Variants in PDE4D observed in about 807,000 individuals in gnomAD.
The protein encoded by PDE4D is phosphodiesterase 4D.
Under a neutral mutation model 87.4 loss-of-function variants are expected in PDE4D, and 24 were observed. That is an observed-to-expected ratio of 0.27 (90% CI 0.20 to 0.39). PDE4D has a LOEUF of 0.39. PDE4D is among the 10% of genes least tolerant of loss of function. The pLI is 1.00. For missense variants in PDE4D, 714 were observed against 1,041.0 expected (o/e 0.69, Z 4.32); for synonymous variants, 384 against 383.2 (o/e 1.00, Z -0.02).
intron 1 of PDE4D, among the ~76,000 whole-genome samples, chr5:60,189,958 T>C (rs1785075589): frequency 6.6e-6 from 1 of 152,228 alleles, no homozygotes. Flanking sequence ...TCAAAAGATA[T>C]ATTTTTCTAG....
chr5:60,460,609 G>A, intron 1 of PDE4D: 6 of 1,255,642 alleles, frequency 4.8e-6, no homozygotes, highest in Middle Eastern at 2.7e-4. Flanking sequence ...GCATTCAATT[G>A]CTTCTTGCTG....
intron 1 of PDE4D, among the ~76,000 whole-genome samples, chr5:59,330,266 C>T (rs575684779): frequency 2.0e-5 from 3 of 152,184 alleles, no homozygotes; most frequent in Admixed American, 2.0e-4. Flanking sequence ...CAAAGAGTAG[C>T]ATTTAAGCAA....
At chr5:59,768,602 G>C (rs763665629) in intron 1 of PDE4D, 14 of 1,552,408 alleles carry the variant, frequency 9.0e-6, no homozygotes, top group Non-Finnish European at 1.2e-5. Flanking sequence ...GCAGGTCTGA[G>C]CCTGCTGCTG....
At chr5:59,577,865 G>A (rs149198134) in intron 1 of PDE4D, among the ~76,000 whole-genome samples, 1,529 of 152,114 alleles carry the variant, frequency 0.01, 18 homozygotes, top group African/African-American at 0.035. Context: ...TATTTTATTT[G>A]TCATTTTCTC....
At chr5:59,230,078 T>C (rs1310591335) in intron 1 of PDE4D, among the ~76,000 whole-genome samples, 1 of 152,208 alleles carries the variant, frequency 6.6e-6, no homozygotes, top group Admixed American at 6.5e-5. Flanking sequence ...TGAGCCACCG[T>C]ACCCAGCTGC....
intron 6 of PDE4D, among the ~76,000 whole-genome samples, chr5:59,011,647 G>T (rs981306075): frequency 3.9e-5 from 6 of 152,100 alleles, no homozygotes; most frequent in Non-Finnish European, 8.8e-5. Context: ...AAGAAATATG[G>T]GACTATGTGA....
intron 1 of PDE4D, among the ~76,000 whole-genome samples, chr5:59,784,086 C>G (rs1350212826): frequency 6.6e-6 from 1 of 151,920 alleles, no homozygotes; most frequent in African/African-American, 2.4e-5. Context: ...TAAAACCAGC[C>G]AACTTGTCTG....
chr5:59,079,606 G>T (rs553518038), intron 5 of PDE4D, among the ~76,000 whole-genome samples: 33 of 151,844 alleles, frequency 2.2e-4, no homozygotes, highest in Admixed American at 1.4e-3. Context: ...CCAGAGAATT[G>T]CTTGAGGCCA....
At chr5:59,153,107 G>A (rs773046778) in intron 5 of PDE4D, among the ~76,000 whole-genome samples, 7 of 152,042 alleles carry the variant, frequency 4.6e-5, no homozygotes, top group East Asian at 3.9e-4. Flanking sequence ...CACCTCTCTC[G>A]ACATTCATCA....
intron 1 of PDE4D, among the ~76,000 whole-genome samples, chr5:59,257,045 A>G (rs1309156539): frequency 6.6e-6 from 1 of 152,084 alleles, no homozygotes; most frequent in Non-Finnish European, 1.5e-5. Context: ...ATAAAGTGAT[A>G]CATACATCTT....
At chr5:59,196,477 T>C (rs1276178516) in intron 2 of PDE4D, among the ~76,000 whole-genome samples, 1 of 152,242 alleles carries the variant, frequency 6.6e-6, no homozygotes, top group African/African-American at 2.4e-5. Context: ...CTTCTGGCTG[T>C]GTCATATAGG....
At chr5:59,808,422 T>G (rs912264694) in intron 1 of PDE4D, among the ~76,000 whole-genome samples, 2 of 152,212 alleles carry the variant, frequency 1.3e-5, no homozygotes, top group Non-Finnish European at 2.9e-5. Context: ...CATACAAGTG[T>G]TTAACCCAGA....
At chr5:59,215,048 A>G (rs544436226) in intron 2 of PDE4D, among the ~76,000 whole-genome samples, 49 of 152,332 alleles carry the variant, frequency 3.2e-4, no homozygotes, top group African/African-American at 1.1e-3. Context: ...GCCACGAATG[A>G]TAGTATAGGT....
intron 3 of PDE4D, among the ~76,000 whole-genome samples, chr5:59,969,766 G>A (rs1169010805): frequency 6.6e-6 from 1 of 152,220 alleles, no homozygotes; most frequent in East Asian, 1.9e-4. Flanking sequence ...AGTTCTCCTT[G>A]CTGCCACCAC....
intron 3 of PDE4D, among the ~76,000 whole-genome samples, chr5:59,961,736 A>G (rs1007319650): frequency 7.2e-5 from 11 of 152,154 alleles, no homozygotes; most frequent in African/African-American, 2.7e-4. Flanking sequence ...TATAGGTGTG[A>G]TATGGGTGTG....
intron 1 of PDE4D, among the ~76,000 whole-genome samples, chr5:59,319,160 ATGTGTGTGTG>A (rs59099367): frequency 7.9e-5 from 11 of 139,796 alleles, no homozygotes; most frequent in South Asian, 2.3e-4. Context: ...GTACATATAT[ATGTGTGTGTG>A]TGTGTGTGTG....
intron 1 of PDE4D, among the ~76,000 whole-genome samples, chr5:59,319,348 A>G (rs1427125536): frequency 6.6e-6 from 1 of 152,160 alleles, no homozygotes; most frequent in Non-Finnish European, 1.5e-5. Context: ...CTCTCCTGGT[A>G]TAATACTTTT....
intron 1 of PDE4D, among the ~76,000 whole-genome samples, chr5:60,392,730 A>G (rs1372630970): frequency 2.6e-5 from 4 of 152,180 alleles, no homozygotes; most frequent in Non-Finnish European, 4.4e-5. Flanking sequence ...GAAATTCCCA[A>G]TATCAAGGGG....
intron 1 of PDE4D, among the ~76,000 whole-genome samples, chr5:60,306,734 C>A (rs1754531432): frequency 6.6e-6 from 1 of 152,002 alleles, no homozygotes; most frequent in African/African-American, 2.4e-5. Context: ...ACGTGACAGA[C>A]TAATGCAGTG....
Sources: allele counts gnomAD v4.1 joint callset (sites outside exome capture counted in the v4.1 genomes callset), GRCh38; gene constraint gnomAD v4.1.1; transcripts MANE v1.5; gene names NCBI Gene and HGNC (gene_info 2026-07-23, HGNC 2026-07-21).